The following RAB3B variants were observed in gnomAD, a reference collection of about 807,000 sequenced individuals.
RAB3B encodes RAB3B, member RAS oncogene family.
A neutral mutation model predicts 20.5 loss-of-function variants in RAB3B; 11 were observed. The ratio of observed to expected loss-of-function variants is 0.54; its 90% CI spans 0.34 to 0.89. RAB3B has a LOEUF of 0.89. Among genes scored for constraint, RAB3B ranks in the 40% least tolerant of loss-of-function variants. RAB3B has a pLI of 0.02. For missense variants in RAB3B, 225 were observed against 280.9 expected (o/e 0.80, Z 1.42); for synonymous variants, 99 against 106.3 (o/e 0.93, Z 0.42).
chr1:51,946,810 TA>T (rs1361623009), intron 2 of RAB3B, among the ~76,000 whole-genome samples: 1 of 152,236 alleles, frequency 6.6e-6, no homozygotes, highest in Admixed American at 6.5e-5. Context: ...TATTTTATTT[TA>T]TTTTCAAAAA....
Position 51,937,292 on chromosome 1 carries a change from A to G in RAB3B, c.347+2T>C. On this transcript the variant is annotated splice_donor_variant, in intron 3 of 4. Coordinates refer to ENST00000371655, the MANE Select transcript of RAB3B (RefSeq NM_002867.4). LOFTEE classifies it high-confidence loss of function. ...ATGAATGAATGAATATGGGTCTCAT[A>G]CCAGTCTTGGACAGCATTGAAGGAC... 1 of 1,590,656 alleles carries G rather than the reference A, an allele frequency of 6.3e-7. No individual in the cohort carries two copies. Among genetic ancestry groups the G allele is most frequent in the Non-Finnish European group, 8.6e-7 (1 of 1,160,406 alleles).
In RAB3B at chr1:51,918,005, T is replaced by G. The variant is rs1274718736; in HGVS notation, c.*1922A>C. ...TTCAGGCCATGATAGAGAAGAAAGGTTTTCTGGAATCACTGCCAGTTCCAT... is the reference window on the plus strand; with the variant it reads ...TTCAGGCCATGATAGAGAAGAAAGGGTTTCTGGAATCACTGCCAGTTCCAT... On this transcript the variant is annotated 3_prime_UTR_variant, in exon 5 of 5. Coordinates refer to ENST00000371655, the MANE Select transcript of RAB3B (RefSeq NM_002867.4). The G allele has an allele frequency of 6.6e-6, 1 of 152,132 alleles. No homozygotes were observed. Among genetic ancestry groups the G allele is most frequent in the South Asian group, 2.1e-4 (1 of 4,818 alleles). 9.4% of individuals were successfully genotyped at this position (152,132 alleles called of 1,614,324 possible). A position where few individuals can be genotyped will look rare whatever the true frequency, so the allele number is the denominator to read the frequency against.
chr1:51,956,504 C>T (rs944685071), intron 2 of RAB3B, among the ~76,000 whole-genome samples: 3 of 152,160 alleles, frequency 2.0e-5, no homozygotes, highest in Non-Finnish European at 4.4e-5. Flanking sequence ...GTTTTCTAAC[C>T]TAACAATTTC....
chr1:51,951,024 G>T (rs2795003), intron 2 of RAB3B, among the ~76,000 whole-genome samples: 2 of 152,164 alleles, frequency 1.3e-5, no homozygotes, highest in East Asian at 3.9e-4. Context: ...TAATATTATA[G>T]CTATCCGTCC....
intron 4 of RAB3B, among the ~76,000 whole-genome samples, chr1:51,920,732 G>T (rs1684161537): frequency 1.3e-5 from 2 of 152,102 alleles, no homozygotes. Flanking sequence ...CTTTTTCGCA[G>T]GGATTTTCCT....
intron 2 of RAB3B, among the ~76,000 whole-genome samples, chr1:51,963,659 A>G (rs1342733723): frequency 6.6e-6 from 1 of 151,912 alleles, no homozygotes; most frequent in Non-Finnish European, 1.5e-5. Flanking sequence ...GACTCTCCAA[A>G]CTTCCTCCCT....
chr1:51,979,075 C>T (rs897749653), intron 1 of RAB3B, among the ~76,000 whole-genome samples: 1 of 152,136 alleles, frequency 6.6e-6, no homozygotes, highest in African/African-American at 2.4e-5. Context: ...CATGACAAGA[C>T]TCACTAGGCA....
At chr1:51,949,202 C>A (rs1415771785) in intron 2 of RAB3B, among the ~76,000 whole-genome samples, 2 of 152,208 alleles carry the variant, frequency 1.3e-5, no homozygotes, top group African/African-American at 4.8e-5. Context: ...CACGCAGCTC[C>A]TTCGCACCCC....
chr1:51,942,552 T>C (rs1386920509), intron 2 of RAB3B, among the ~76,000 whole-genome samples: 4 of 152,218 alleles, frequency 2.6e-5, no homozygotes, highest in Non-Finnish European at 5.9e-5. Flanking sequence ...ACTTACTCAC[T>C]ATGTGACTAT....
intron 2 of RAB3B, among the ~76,000 whole-genome samples, chr1:51,967,510 C>CT (rs1466114151): frequency 3.2e-3 from 91 of 28,204 alleles, no homozygotes; most frequent in African/African-American, 5.8e-3. Flanking sequence ...TTTTTCTTTT[C>CT]TTTTCTTTTT....
In RAB3B at chr1:51,933,292, T is replaced by C. The variant is rs533786347; in HGVS notation, c.472+26A>G. 5.6e-6 allele frequency: 9 copies of C among 1,611,558 alleles called. No homozygotes were observed. In the South Asian group the frequency reaches 7.7e-5, roughly 14 times the overall value. ...ATGAGCATGTGTACAAATGCACACA[T>C]GCACATACATGTGTCATGTACATAC... On this transcript the variant is annotated intron_variant, in intron 4 of 4. Coordinates refer to ENST00000371655, the MANE Select transcript of RAB3B (RefSeq NM_002867.4).
At chr1:51,988,879 T>G (rs1200024656) in intron 1 of RAB3B, among the ~76,000 whole-genome samples, 1 of 152,022 alleles carries the variant, frequency 6.6e-6, no homozygotes, top group African/African-American at 2.4e-5. Flanking sequence ...TTTTGCCTTT[T>G]CCCATACGGT....
chr1:51,944,391 G>C (rs560294083), intron 2 of RAB3B, among the ~76,000 whole-genome samples: 1 of 152,320 alleles, frequency 6.6e-6, no homozygotes, highest in East Asian at 1.9e-4. Flanking sequence ...CTTCATGCCT[G>C]CTAACACAAC....
chr1:51,947,079 A>G (rs928763299), intron 2 of RAB3B, among the ~76,000 whole-genome samples: 1 of 152,184 alleles, frequency 6.6e-6, no homozygotes, highest in African/African-American at 2.4e-5. Flanking sequence ...TGCTAGGGTC[A>G]CAAACAATAA....
intron 4 of RAB3B, among the ~76,000 whole-genome samples, chr1:51,920,448 G>C (rs1684157055): frequency 6.6e-6 from 1 of 152,228 alleles, no homozygotes; most frequent in Non-Finnish European, 1.5e-5. Context: ...GATCAGGCAA[G>C]ACAATGTATG....
At position 51,933,357 on chromosome 1, in the gene RAB3B, C is replaced by T. The variant is rs770135933; in HGVS notation, c.433G>A (p.Val145Ile). 1.2e-6 allele frequency: 2 copies of T among 1,614,124 alleles called. No individual in the cohort carries two copies. Among genetic ancestry groups the T allele is most frequent in the South Asian group, 2.2e-5 (2 of 91,068 alleles). The change falls in exon 4 of 5, where the codon GTT becomes ATT. Residue 145 changes from valine (V) to isoleucine (I), a missense_variant. Val to Ile is a conservative substitution (Grantham distance 29). Coordinates refer to ENST00000371655, the MANE Select transcript of RAB3B (RefSeq NM_002867.4). ...AGGAGCTGGCCCTTCTCAGTGGGAA[C>T]AACCCTCTCTTCCTCCATGTCACAC... Reference protein sequence around the residue: ...NKCDMEEERVVPTEKGQLLAE... With the variant: ...NKCDMEEERVIPTEKGQLLAE...
intron 4 of RAB3B, among the ~76,000 whole-genome samples, chr1:51,926,086 G>A (rs1684240394): frequency 6.6e-6 from 1 of 152,172 alleles, no homozygotes; most frequent in Non-Finnish European, 1.5e-5. Flanking sequence ...ACAGGAGGCT[G>A]GGAAACATAG....
intron 4 of RAB3B, among the ~76,000 whole-genome samples, chr1:51,921,989 C>T (rs1185079142): frequency 6.6e-6 from 1 of 152,180 alleles, no homozygotes; most frequent in African/African-American, 2.4e-5. Flanking sequence ...CCTGCCAGCC[C>T]ACCTCCAGCT....
chr1:51,933,185 A>C, intron 4 of RAB3B, 133 bp downstream of exon 4: 1 of 945,976 alleles, frequency 1.1e-6, no homozygotes, highest in Non-Finnish European at 1.5e-6. Context: ...CAATACACAC[A>C]GATCACATAG....
Sources: allele counts gnomAD v4.1 joint callset (sites outside exome capture counted in the v4.1 genomes callset), GRCh38; gene constraint gnomAD v4.1.1; transcripts MANE v1.5; gene names NCBI Gene and HGNC (gene_info 2026-07-23, HGNC 2026-07-21).